Variants in DST observed in about 807,000 individuals in gnomAD.
The protein encoded by DST is dystonin, also known as bullous pemphigoid antigen.
A neutral mutation model predicts 875.2 loss-of-function variants in DST; 253 were observed. That is an observed-to-expected ratio of 0.29 (90% CI 0.26 to 0.32). The LOEUF is 0.32. Ranked by LOEUF, DST falls within the 10% of genes least tolerant of loss-of-function variation. DST has a pLI of 1.00. For synonymous variants in DST, 3,124 were observed against 3,197.1 expected, an observed-to-expected ratio of 0.98 and a Z score of 0.77; for missense variants, 8,287 against 9,111.6, an observed-to-expected ratio of 0.91 and a Z score of 3.68.
intron 90 of DST, among the ~76,000 whole-genome samples, chr6:56,481,532 C>T (rs1435153606): frequency 6.6e-6 from 1 of 152,080 alleles, no homozygotes; most frequent in Non-Finnish European, 1.5e-5. Context: ...CTATAGGTTT[C>T]TTCTAAAAAG....
intron 90 of DST, 31 bp from the exon 91 acceptor site, chr6:56,477,519 G>A (rs755456775): frequency 1.3e-5 from 21 of 1,612,694 alleles, no homozygotes; most frequent in Non-Finnish European, 1.7e-5. Flanking sequence ...TCAATTAACT[G>A]TTGGCATTGG....
intron 101 of DST, 102 bp downstream of exon 101, chr6:56,463,463 T>C (rs1016417230): frequency 4.5e-5 from 50 of 1,114,116 alleles, no homozygotes; most frequent in Non-Finnish European, 5.7e-5. Flanking sequence ...CAAATGGAGA[T>C]AGCTGGTCCT....
At chr6:56,704,780 T>C (rs2099326775) in intron 5 of DST, among the ~76,000 whole-genome samples, 1 of 152,198 alleles carries the variant, frequency 6.6e-6, no homozygotes, top group South Asian at 2.1e-4. Flanking sequence ...GGTTCAAGGA[T>C]GCCGAGGAAC....
chr6:56,753,446 A>G (rs2099593871), intron 4 of DST, among the ~76,000 whole-genome samples: 1 of 152,208 alleles, frequency 6.6e-6, no homozygotes, highest in Admixed American at 6.5e-5. Flanking sequence ...CAGTCTTATT[A>G]AAGACTCCCT....
chr6:56,643,232 G>A (rs751136630), intron 15 of DST, among the ~76,000 whole-genome samples: 2 of 152,152 alleles, frequency 1.3e-5, no homozygotes, highest in Non-Finnish European at 2.9e-5. Context: ...TCCAATCATA[G>A]TCTGACTTCT....
intron 4 of DST, among the ~76,000 whole-genome samples, chr6:56,835,381 T>C (rs908039009): frequency 2.6e-5 from 4 of 152,210 alleles, no homozygotes; most frequent in Non-Finnish European, 4.4e-5. Flanking sequence ...TTTATCAATA[T>C]TGGTTCATCA....
intron 3 of DST, among the ~76,000 whole-genome samples, chr6:56,873,159 T>C (rs1426748382): frequency 2.6e-5 from 4 of 152,244 alleles, no homozygotes; most frequent in Non-Finnish European, 4.4e-5. Flanking sequence ...GAAATATCTA[T>C]TTAGATCTTT....
At chr6:56,648,098 T>G (rs1020385012) in intron 13 of DST, among the ~76,000 whole-genome samples, 1 of 152,218 alleles carries the variant, frequency 6.6e-6, no homozygotes, top group Non-Finnish European at 1.5e-5. Context: ...AAGTCAGACA[T>G]GTATTTTCAA....
chr6:56,917,004 AAAAAAAAAAAAAAG>A lies in DST; in HGVS notation c.217-16397_217-16384del, dbSNP rs1413148505. ...AGGCATGCTAAAAAAAAAAAAAAAA[AAAAAAAAAAAAAAG>A]ACAGGCAGAGGCTCCTAACACACAC... is the stretch of plus-strand genomic sequence containing the variant. On this transcript the variant is annotated intron_variant, in intron 2 of 103. Coordinates refer to ENST00000680361, the MANE Select transcript of DST (RefSeq NM_001374736.1). Among the ~76,000 whole-genome samples, 145 of 139,560 alleles carry A rather than the reference AAAAAAAAAAAAAAG, an allele frequency of 1.0e-3. 2 individuals carry two copies. Among genetic ancestry groups the A allele is most frequent in the Middle Eastern group, 7.3e-3 (2 of 274 alleles). The allele number at this position is 139,560 out of a possible 152,430, so 91.6% of individuals were successfully genotyped here.
intron 36 of DST, among the ~76,000 whole-genome samples, chr6:56,623,808 C>T (rs1043458936): frequency 3.9e-5 from 6 of 152,052 alleles, no homozygotes; most frequent in Admixed American, 2.0e-4. Context: ...CATACAAGAG[C>T]CTTTGGTGAC....
chr6:56,614,557 G>A, intron 36 of DST, 73 bp from the exon 37 acceptor site: 1 of 1,379,060 alleles, frequency 7.3e-7, no homozygotes, highest in Non-Finnish European at 9.4e-7. Flanking sequence ...CCTCTCCATA[G>A]CAAACAAGAA....
chr6:56,503,975 A>C (rs370189081), intron 78 of DST, 22 bp downstream of exon 78: 3 of 1,556,902 alleles, frequency 1.9e-6, no homozygotes, highest in Non-Finnish European at 2.6e-6. Context: ...GGAGTCTTCG[A>C]TAAATTAGCC....
chr6:56,889,250 C>G (rs531125628), intron 3 of DST, among the ~76,000 whole-genome samples: 1 of 152,322 alleles, frequency 6.6e-6, no homozygotes, highest in South Asian at 2.1e-4. Flanking sequence ...AATCCAGACA[C>G]AAGAATATCT....
chr6:56,593,681 G>A lies in DST; in HGVS notation c.12708C>T (p.Phe4236=). 6.2e-7 allele frequency: 1 copy of A among 1,602,788 alleles called. No homozygotes were observed. Among genetic ancestry groups the A allele is most frequent in the Non-Finnish European group, 8.5e-7 (1 of 1,173,462 alleles). The change falls in exon 48 of 104, where the codon TTC becomes TTT. Residue 4236 remains phenylalanine, a synonymous_variant. Transcript: ENST00000680361. ...ACATTACCTTAGAGTAGAGAGACCT[G>A]AACCGATCAGTAGCATGATCCAACT... The part of the protein sequence containing the change: ...QRKLDHATDR[F]RSLYSKCNVL...
chr6:56,562,099 AATTAC>A (rs1187476867), intron 56 of DST, 34 bp downstream of exon 56: 3 of 1,310,914 alleles, frequency 2.3e-6, no homozygotes, highest in Admixed American at 4.6e-5. Context: ...AAAAACATCA[AATTAC>A]ATTAATCAGT....
chr6:56,920,895 A>AT (rs35394550), intron 2 of DST, among the ~76,000 whole-genome samples: 9,349 of 59,516 alleles, frequency 0.16, 1,900 homozygotes, highest in East Asian at 0.29. Flanking sequence ...CGCCCAGCTA[A>AT]TTTTTTTTTT....
chr6:56,888,555 G>A (rs1466474308), intron 3 of DST, among the ~76,000 whole-genome samples: 2 of 152,060 alleles, frequency 1.3e-5, no homozygotes, highest in Non-Finnish European at 2.9e-5. Flanking sequence ...GAGCTGCCTG[G>A]TCCTACATAT....
intron 5 of DST, among the ~76,000 whole-genome samples, chr6:56,732,411 T>C (rs2099503930): frequency 6.6e-6 from 1 of 152,228 alleles, no homozygotes; most frequent in South Asian, 2.1e-4. Context: ...AAACTTTTTC[T>C]AATAATTGCT....
chr6:56,917,042 A>G (rs1801614525), intron 2 of DST, among the ~76,000 whole-genome samples: 1 of 148,090 alleles, frequency 6.8e-6, no homozygotes, highest in Admixed American at 6.8e-5. Flanking sequence ...CCTAACACAC[A>G]CTGCTCGGAC....
Sources: gnomAD v4.1 joint callset for allele counts (sites outside exome capture counted in the v4.1 genomes callset) on GRCh38, gnomAD v4.1.1 for gene constraint, MANE v1.5 for transcripts, NCBI Gene and HGNC (gene_info 2026-07-23, HGNC 2026-07-21) for gene names.